The following CHST11 variants were observed in gnomAD, a reference collection of about 807,000 sequenced individuals.
CHST11 encodes the protein carbohydrate sulfotransferase 11, also known as C4S-1.
A neutral mutation model predicts 30.4 loss-of-function variants in CHST11; 9 were observed. The observed-to-expected ratio is 0.30, with a 90% confidence interval of 0.18 to 0.52. CHST11 has a LOEUF of 0.52. Ranked by LOEUF, CHST11 falls within the 20% of genes least tolerant of loss-of-function variation. The pLI, the probability that CHST11 is intolerant of heterozygous loss-of-function variation, is 0.97. For missense variants in CHST11, 348 were observed against 460.6 expected (o/e 0.76, Z 2.24); for synonymous variants, 152 against 187.8 (o/e 0.81, Z 1.56).
chr12:104,458,003 T>A lies in CHST11; in HGVS notation c.118+474T>A, dbSNP rs538102334. Among the ~76,000 whole-genome samples, 12 of 151,848 alleles carry A rather than the reference T, an allele frequency of 7.9e-5. No homozygotes were observed. In the South Asian group the frequency reaches 2.1e-3, roughly 26 times the overall value. On this transcript the variant is annotated intron_variant, in intron 1 of 2. Transcript: ENST00000303694. The surrounding 1 kb of genome is among the most constrained non-coding windows in gnomAD (Gnocchi z 5.7). ...CCCGGGCGAGCCGCCTCTTCCTGGTTGCCGGGCCGGGGGCGAAGGGTGTAC... is the reference window on the plus strand; with the variant it reads ...CCCGGGCGAGCCGCCTCTTCCTGGTAGCCGGGCCGGGGGCGAAGGGTGTAC...
chr12:104,563,994 T>C (rs1175467366), intron 1 of CHST11, among the ~76,000 whole-genome samples: 1 of 152,096 alleles, frequency 6.6e-6, no homozygotes, highest in Non-Finnish European at 1.5e-5. Context: ...TGGAATATGT[T>C]CCTGGGACAG....
At chr12:104,514,301 C>T in intron 1 of CHST11, 1 of 901,342 alleles carries the variant, frequency 1.1e-6, no homozygotes. Context: ...CGGTGTTTGG[C>T]AGCCTGATCA....
chr12:104,681,386 A>G (rs1592835835), intron 2 of CHST11, among the ~76,000 whole-genome samples: 1 of 152,234 alleles, frequency 6.6e-6, no homozygotes, highest in Non-Finnish European at 1.5e-5. Flanking sequence ...TCCAGAATGG[A>G]TAAATCTATA....
chr12:104,718,970 A>C (rs1296929158), intron 2 of CHST11, among the ~76,000 whole-genome samples: 1 of 152,136 alleles, frequency 6.6e-6, no homozygotes, highest in Non-Finnish European at 1.5e-5. Context: ...AGGTTCTCCG[A>C]CTTTCCAGGG....
intron 1 of CHST11, among the ~76,000 whole-genome samples, chr12:104,583,527 G>A (rs896629088): frequency 2.6e-5 from 4 of 152,118 alleles, no homozygotes; most frequent in Admixed American, 2.6e-4. Context: ...CAAAGCTCAC[G>A]TGTGCACCCT....
chr12:104,706,193 G>A (rs2040032839), intron 2 of CHST11, among the ~76,000 whole-genome samples: 1 of 151,774 alleles, frequency 6.6e-6, no homozygotes, highest in Non-Finnish European at 1.5e-5. Context: ...AGACCAGCCT[G>A]GCCAACATGG....
intron 1 of CHST11, among the ~76,000 whole-genome samples, chr12:104,580,149 T>C (rs980812940): frequency 5.3e-5 from 8 of 152,226 alleles, no homozygotes; most frequent in Admixed American, 1.3e-4. Context: ...AGACATCATT[T>C]GTGACTTTCC....
chr12:104,554,433 G>A (rs2038435315), intron 1 of CHST11, among the ~76,000 whole-genome samples: 1 of 152,192 alleles, frequency 6.6e-6, no homozygotes, highest in South Asian at 2.1e-4. Context: ...TGAAATGAGG[G>A]TAAGACAGGG....
At chr12:104,550,495 G>A (rs2038394754) in intron 1 of CHST11, among the ~76,000 whole-genome samples, 1 of 152,190 alleles carries the variant, frequency 6.6e-6, no homozygotes, top group Non-Finnish European at 1.5e-5. Context: ...CTTTTCAGTT[G>A]TGCAGTTGTA....
intron 2 of CHST11, among the ~76,000 whole-genome samples, chr12:104,723,480 C>T (rs755512816): frequency 6.6e-6 from 1 of 152,222 alleles, no homozygotes; most frequent in African/African-American, 2.4e-5. Context: ...TCCCCTTTCC[C>T]GACACTCACT....
intron 2 of CHST11, among the ~76,000 whole-genome samples, chr12:104,648,514 A>G (rs1438520501): frequency 6.6e-6 from 1 of 152,152 alleles, no homozygotes; most frequent in Non-Finnish European, 1.5e-5. Context: ...CCACTTATAA[A>G]GATCTGAGCA....
In CHST11 at chr12:104,645,231, G is replaced by A. The variant is rs368869352; in HGVS notation, c.204+43240G>A. Among the ~76,000 whole-genome samples the A allele has an allele frequency of 4.6e-5, 7 of 152,336 alleles. No homozygotes were observed. In the South Asian group the frequency reaches 1.0e-3, roughly 23 times the overall value. On this transcript the variant is annotated intron_variant, in intron 2 of 2. Coordinates refer to ENST00000303694, the MANE Select transcript of CHST11 (RefSeq NM_018413.6). ...CAAAGTGCTGGGATTACAGGCGTGA[G>A]CCACCACGCCCGGCCTTCCACTTTT...
chr12:104,467,445 C>T (rs978315838), intron 1 of CHST11, among the ~76,000 whole-genome samples: 73 of 152,274 alleles, frequency 4.8e-4, no homozygotes, highest in African/African-American at 1.7e-3. Flanking sequence ...TGGTTATTGT[C>T]AAACCTGCCA....
In CHST11 at chr12:104,751,340, A is replaced by G. The variant is rs550085969; in HGVS notation, c.205-5609A>G. Among the ~76,000 whole-genome samples, 3 of 152,322 alleles carry G rather than the reference A, an allele frequency of 2.0e-5. No individual in the cohort carries two copies. The South Asian group carries it at 6.2e-4, about 32-fold the overall frequency. ...TGTCCTTAGTGATTCAAATGGCAGA[A>G]TTGATGGGCCCTGTTTCCTTCCTAG... is the stretch of plus-strand genomic sequence containing the variant. On this transcript the variant is annotated intron_variant, in intron 2 of 2. Transcript: ENST00000303694.
chr12:104,474,300 C>T (rs2037537256), intron 1 of CHST11, among the ~76,000 whole-genome samples: 1 of 152,182 alleles, frequency 6.6e-6, no homozygotes, highest in Non-Finnish European at 1.5e-5. Flanking sequence ...AGAAACTGAA[C>T]AGGCAATCTT....
In CHST11 at chr12:104,756,963, C is replaced by CA; in HGVS notation, c.220dup (p.Thr74AsnfsTer25). Reference sequence around the variant, plus strand: ...CTCCTCTGCAGCTGGAGCTCTCAAACACTGCTGTCCTGCACCAGATGCGGC... The same window carrying CA: ...CTCCTCTGCAGCTGGAGCTCTCAAACAACTGCTGTCCTGCACCAGATGCGGC... On this transcript the variant is annotated frameshift_variant, in exon 3 of 3. Transcript: ENST00000303694. LOFTEE classifies it high-confidence loss of function. The CA allele has an allele frequency of 6.2e-7, 1 of 1,612,008 alleles. No homozygotes were observed. The highest frequency in any genetic ancestry group is 8.5e-7 in the Non-Finnish European group (1 of 1,178,956).
intron 2 of CHST11, among the ~76,000 whole-genome samples, chr12:104,684,253 AAT>A (rs2039824349): frequency 1.5e-5 from 2 of 133,126 alleles, no homozygotes; most frequent in Non-Finnish European, 3.3e-5. Context: ...ATTGGTACAA[AAT>A]GTGGATGGAT....
At chr12:104,580,920 C>T (rs75330806) in intron 1 of CHST11, among the ~76,000 whole-genome samples, 26,346 of 152,228 alleles carry the variant, frequency 0.17, 3,723 homozygotes, top group African/African-American at 0.39. Context: ...ATAATTGTCT[C>T]AGAACTTTCA....
chr12:104,525,874 G>A (rs1397488339), intron 1 of CHST11, among the ~76,000 whole-genome samples: 1 of 127,360 alleles, frequency 7.9e-6, no homozygotes, highest in Non-Finnish European at 1.6e-5. Flanking sequence ...CTATGATGCC[G>A]ATTTTTACCA....
Sources: allele counts gnomAD v4.1 joint callset (sites outside exome capture counted in the v4.1 genomes callset), GRCh38; gene constraint gnomAD v4.1.1; non-coding constraint Gnocchi (gnomAD v3.1); transcripts MANE v1.5; gene names NCBI Gene and HGNC (gene_info 2026-07-23, HGNC 2026-07-21).